The following PLA2G4A variants were observed in gnomAD, a reference collection of about 807,000 sequenced individuals.
PLA2G4A encodes phospholipase A2 group IVA.
Under a neutral mutation model 81.9 loss-of-function variants are expected in PLA2G4A, and 40 were observed. The ratio of observed to expected loss-of-function variants is 0.49; its 90% CI spans 0.38 to 0.64. The LOEUF is 0.64. PLA2G4A is among the 30% of genes least tolerant of loss of function. The pLI is 0.00. For missense variants in PLA2G4A, 715 were observed against 905.1 expected (o/e 0.79, Z 2.69); for synonymous variants, 302 against 296.9 (o/e 1.02, Z -0.18).
intron 15 of PLA2G4A, among the ~76,000 whole-genome samples, chr1:186,976,790 G>A (rs899950632): frequency 6.6e-6 from 1 of 152,316 alleles, no homozygotes; most frequent in Non-Finnish European, 1.5e-5. Flanking sequence ...CAGTGAGTTA[G>A]CCTGCTTTGG....
chr1:186,971,817 G>A (rs1360983878), intron 15 of PLA2G4A, among the ~76,000 whole-genome samples: 1 of 151,926 alleles, frequency 6.6e-6, no homozygotes, highest in African/African-American at 2.4e-5. Flanking sequence ...TCTACATAAA[G>A]TTCTTTTGAT....
chr1:186,932,294 C>CTTTTTTTTTT (rs67757094), intron 7 of PLA2G4A, among the ~76,000 whole-genome samples: 1 of 138,558 alleles, frequency 7.2e-6, no homozygotes, highest in African/African-American at 2.6e-5. Context: ...TTTTCTTTTT[C>CTTTTTTTTTT]TTTTTTTTTT....
At chr1:186,955,395 T>G (rs1656709090) in intron 13 of PLA2G4A, among the ~76,000 whole-genome samples, 1 of 152,174 alleles carries the variant, frequency 6.6e-6, no homozygotes, top group South Asian at 2.1e-4. Flanking sequence ...TTAAGGTAAC[T>G]TAAGAAATGT....
At chr1:186,878,754 ATG>A (rs1232572873) in intron 3 of PLA2G4A, among the ~76,000 whole-genome samples, 1 of 151,844 alleles carries the variant, frequency 6.6e-6, no homozygotes, top group Non-Finnish European at 1.5e-5. Flanking sequence ...GTGTGTATTC[ATG>A]TGTTTTAGGT....
intron 1 of PLA2G4A, among the ~76,000 whole-genome samples, chr1:186,843,408 A>G (rs1392568055): frequency 6.6e-6 from 1 of 152,210 alleles, no homozygotes; most frequent in Non-Finnish European, 1.5e-5. Flanking sequence ...TCTCCAGTAC[A>G]TCATGCAAAT....
intron 14 of PLA2G4A, among the ~76,000 whole-genome samples, chr1:186,963,305 C>T (rs377542428): frequency 6.6e-6 from 1 of 152,158 alleles, no homozygotes; most frequent in African/African-American, 2.4e-5. Context: ...AAATTGGGCT[C>T]GACAGTTTAT....
At chr1:186,868,797 T>C (rs146983092) in intron 2 of PLA2G4A, among the ~76,000 whole-genome samples, 316 of 152,326 alleles carry the variant, frequency 2.1e-3, no homozygotes, top group African/African-American at 7.3e-3. Context: ...TCATCTAGGT[T>C]ATCAAATTCG....
intron 15 of PLA2G4A, among the ~76,000 whole-genome samples, chr1:186,967,615 A>G (rs942700332): frequency 2.0e-5 from 3 of 152,160 alleles, no homozygotes; most frequent in Non-Finnish European, 4.4e-5. Flanking sequence ...AGTCATTGAC[A>G]TAAGTTTACA....
chr1:186,938,226 G>A (rs191624713), intron 8 of PLA2G4A, among the ~76,000 whole-genome samples: 2 of 151,952 alleles, frequency 1.3e-5, no homozygotes, highest in South Asian at 2.1e-4. Flanking sequence ...ATAAGTAAAC[G>A]AGTAATTAAT....
chr1:186,980,630 T>C (rs145542849), intron 17 of PLA2G4A, among the ~76,000 whole-genome samples: 1 of 152,208 alleles, frequency 6.6e-6, no homozygotes, highest in African/African-American at 2.4e-5. Flanking sequence ...GTTCTGTTTA[T>C]ATGGGCTCTA....
At chr1:186,920,333 C>T (rs180897343) in intron 7 of PLA2G4A, among the ~76,000 whole-genome samples, 6 of 152,270 alleles carry the variant, frequency 3.9e-5, no homozygotes, top group Admixed American at 2.0e-4. Context: ...ATCTCATGTC[C>T]CCCCACCGAG....
At chr1:186,922,196 C>T (rs1335745504) in intron 7 of PLA2G4A, among the ~76,000 whole-genome samples, 1 of 152,124 alleles carries the variant, frequency 6.6e-6, no homozygotes, top group African/African-American at 2.4e-5. Context: ...GTAAAAAGGG[C>T]ACACACACAC....
In PLA2G4A at chr1:186,988,656, A is replaced by G; in HGVS notation, c.*148A>G. The G allele has an allele frequency of 1.5e-6, 1 of 667,664 alleles. No homozygotes were observed. The highest frequency in any genetic ancestry group is 1.5e-5 in the South Asian group (1 of 66,554). 41.4% of individuals were successfully genotyped at this position (667,664 alleles called of 1,614,324 possible). A position where few individuals can be genotyped will look rare whatever the true frequency, so the allele number is the denominator to read the frequency against. On this transcript the variant is annotated 3_prime_UTR_variant, in exon 18 of 18. Coordinates refer to ENST00000367466, the MANE Select transcript of PLA2G4A (RefSeq NM_024420.3). ...GTTGCAGTTACTTAGCTGCATGAGA[A>G]TAATACTATTATAAGTTAGGTTGAC...
intron 5 of PLA2G4A, among the ~76,000 whole-genome samples, chr1:186,896,236 C>A (rs771110081): frequency 6.6e-6 from 1 of 152,082 alleles, no homozygotes; most frequent in African/African-American, 2.4e-5. Flanking sequence ...GTTTCTGGTA[C>A]GTATTAGGCA....
intron 7 of PLA2G4A, among the ~76,000 whole-genome samples, chr1:186,927,495 A>G (rs1421430494): frequency 6.6e-6 from 1 of 152,190 alleles, no homozygotes; most frequent in Non-Finnish European, 1.5e-5. Context: ...TCCCCTAAAA[A>G]CTAGCCATAC....
At chr1:186,944,892 C>T (rs1656283139) in intron 10 of PLA2G4A, among the ~76,000 whole-genome samples, 1 of 152,034 alleles carries the variant, frequency 6.6e-6, no homozygotes, top group Non-Finnish European at 1.5e-5. Context: ...TAAGAGCCCC[C>T]ACTAACATTC....
At chr1:186,866,233 C>T (rs935949174) in intron 2 of PLA2G4A, among the ~76,000 whole-genome samples, 11 of 151,956 alleles carry the variant, frequency 7.2e-5, no homozygotes, top group African/African-American at 2.7e-4. Flanking sequence ...ACATGGTAAG[C>T]GGTTCTCAAA....
chr1:186,874,147 G>A (rs1653383855), intron 3 of PLA2G4A, among the ~76,000 whole-genome samples: 2 of 152,100 alleles, frequency 1.3e-5, no homozygotes, highest in South Asian at 4.1e-4. Flanking sequence ...GGTGCTAAAT[G>A]TTGGGTTAAT....
At chr1:186,867,802 T>A (rs563783799) in intron 2 of PLA2G4A, among the ~76,000 whole-genome samples, 2 of 152,312 alleles carry the variant, frequency 1.3e-5, no homozygotes, top group South Asian at 2.1e-4. Flanking sequence ...TTCCATTTTG[T>A]CATCATTAAA....
Sources: gnomAD v4.1 joint callset for allele counts (sites outside exome capture counted in the v4.1 genomes callset) on GRCh38, gnomAD v4.1.1 for gene constraint, MANE v1.5 for transcripts, NCBI Gene and HGNC (gene_info 2026-07-23, HGNC 2026-07-21) for gene names.